FSHR: variants seen among roughly 807,000 people sequenced by gnomAD.
FSHR encodes the protein follicle-stimulating hormone receptor.
Under a neutral mutation model 52.1 loss-of-function variants are expected in FSHR, and 46 were observed. The ratio of observed to expected loss-of-function variants is 0.88; its 90% CI spans 0.70 to 1.13. FSHR has a LOEUF of 1.13. Among genes scored for constraint, FSHR ranks in the 50% most tolerant of loss-of-function variants. FSHR has a pLI of 0.00. For missense variants in FSHR, 964 were observed against 834.6 expected, an observed-to-expected ratio of 1.16 and a Z score of -1.91; for synonymous variants, 399 against 309.6, an observed-to-expected ratio of 1.29 and a Z score of -3.03.
intron 1 of FSHR, among the ~76,000 whole-genome samples, chr2:49,071,467 G>C (rs1669726427): frequency 6.6e-6 from 1 of 152,044 alleles, no homozygotes; most frequent in South Asian, 2.1e-4. Flanking sequence ...AATTACTTCT[G>C]AACAAATTTA....
intron 1 of FSHR, among the ~76,000 whole-genome samples, chr2:49,086,307 G>C (rs1221811803): frequency 1.3e-5 from 2 of 152,090 alleles, no homozygotes; most frequent in Non-Finnish European, 2.9e-5. Context: ...GCAGATTTAT[G>C]GCTTCTCTTC....
At chr2:49,083,578 G>C (rs1670257813) in intron 1 of FSHR, among the ~76,000 whole-genome samples, 1 of 147,918 alleles carries the variant, frequency 6.8e-6, no homozygotes, top group Non-Finnish European at 1.5e-5. Flanking sequence ...AGACCCATCA[G>C]TGTGCTGTAT....
chr2:49,137,250 T>C (rs952820328), intron 1 of FSHR, among the ~76,000 whole-genome samples: 1 of 152,032 alleles, frequency 6.6e-6, no homozygotes, highest in African/African-American at 2.4e-5. Flanking sequence ...ATTTCATTCA[T>C]GATAGTATTA....
At chr2:49,029,586 T>A (rs965783864) in intron 2 of FSHR, among the ~76,000 whole-genome samples, 4 of 152,234 alleles carry the variant, frequency 2.6e-5, no homozygotes, top group Non-Finnish European at 5.9e-5. Flanking sequence ...TGTCCCTCAG[T>A]ACATTTTATA....
chr2:48,977,293 C>A (rs1387016417), intron 8 of FSHR, among the ~76,000 whole-genome samples: 5 of 152,034 alleles, frequency 3.3e-5, no homozygotes, highest in African/African-American at 1.2e-4. Flanking sequence ...GTAAAGGGAA[C>A]CATGGGACGG....
At chr2:49,047,423 C>T (rs78884910) in intron 2 of FSHR, among the ~76,000 whole-genome samples, 2,300 of 152,344 alleles carry the variant, frequency 0.015, 47 homozygotes, top group African/African-American at 0.047. Flanking sequence ...CATCAAAAGA[C>T]GGGATCTCTA....
intron 1 of FSHR, among the ~76,000 whole-genome samples, chr2:49,094,976 T>C (rs572096683): frequency 7.4e-4 from 113 of 152,156 alleles, no homozygotes; most frequent in African/African-American, 2.5e-3. Context: ...TTATCCCTTA[T>C]AGAACAAAAA....
intron 4 of FSHR, among the ~76,000 whole-genome samples, chr2:48,994,615 G>T (rs1269524635): frequency 1.2e-5 from 1 of 83,822 alleles, no homozygotes; most frequent in Admixed American, 1.6e-4. Flanking sequence ...TTTCCCCTCT[G>T]ATCAATAAAT....
chr2:49,036,497 GTATATCTATATCTATATC>G (rs67442791), intron 2 of FSHR, among the ~76,000 whole-genome samples: 1 of 150,742 alleles, frequency 6.6e-6, no homozygotes, highest in Non-Finnish European at 1.5e-5. Flanking sequence ...ATTTGCATCT[GTATATCTATATCTATATC>G]TATATCTATA....
At chr2:49,130,890 TG>T (rs1445327341) in intron 1 of FSHR, among the ~76,000 whole-genome samples, 1 of 152,186 alleles carries the variant, frequency 6.6e-6, no homozygotes, top group Non-Finnish European at 1.5e-5. Flanking sequence ...AGAAGGGGGC[TG>T]TTATAGAGTT....
At chr2:49,085,972 G>C (rs557136196) in intron 1 of FSHR, among the ~76,000 whole-genome samples, 11 of 150,216 alleles carry the variant, frequency 7.3e-5, no homozygotes, top group African/African-American at 2.0e-4. Context: ...TGTGGGGGGG[G>C]GGAGTGGGGA....
chr2:49,017,832 A>T (rs1342750774), intron 3 of FSHR, among the ~76,000 whole-genome samples: 1 of 152,152 alleles, frequency 6.6e-6, no homozygotes, highest in Non-Finnish European at 1.5e-5. Context: ...GGAGGCAAAC[A>T]GAGCATTGGC....
At chr2:49,081,719 G>T (rs1670178171) in intron 1 of FSHR, among the ~76,000 whole-genome samples, 1 of 152,134 alleles carries the variant, frequency 6.6e-6, no homozygotes, top group Non-Finnish European at 1.5e-5. Flanking sequence ...GATAAATGGG[G>T]TGGGTGGAAT....
At chr2:49,012,284 C>T (rs1212006054) in intron 4 of FSHR, among the ~76,000 whole-genome samples, 1 of 152,100 alleles carries the variant, frequency 6.6e-6, no homozygotes, top group African/African-American at 2.4e-5. Context: ...AAAAGGTCAG[C>T]TCCAGGAAGG....
intron 4 of FSHR, among the ~76,000 whole-genome samples, chr2:48,992,835 C>A (rs1675847602): frequency 6.6e-6 from 1 of 152,140 alleles, no homozygotes. Flanking sequence ...TTTCTCATAT[C>A]CCATCGATCT....
At chr2:49,076,129 C>A (rs939123414) in intron 1 of FSHR, among the ~76,000 whole-genome samples, 1 of 152,134 alleles carries the variant, frequency 6.6e-6, no homozygotes, top group African/African-American at 2.4e-5. Context: ...AAATTCCACC[C>A]CTTCAAAGGA....
intron 1 of FSHR, among the ~76,000 whole-genome samples, chr2:49,118,854 T>G (rs540591514): frequency 6.6e-6 from 1 of 152,244 alleles, no homozygotes; most frequent in Non-Finnish European, 1.5e-5. Context: ...CCCTTGGTTT[T>G]AAAGAAACCC....
At chr2:48,971,733 A>G (rs896589344) in intron 8 of FSHR, among the ~76,000 whole-genome samples, 6 of 152,164 alleles carry the variant, frequency 3.9e-5, no homozygotes, top group African/African-American at 1.4e-4. Context: ...GTATAGTTCT[A>G]GTTTTGTCAA....
At chr2:48,999,093 G>A (rs1273150069) in intron 4 of FSHR, among the ~76,000 whole-genome samples, 2 of 152,008 alleles carry the variant, frequency 1.3e-5, no homozygotes, top group East Asian at 1.9e-4. Context: ...CTTTGCTTGG[G>A]AAAAGAAGCC....
Sources: gnomAD v4.1 joint callset for allele counts (sites outside exome capture counted in the v4.1 genomes callset) on GRCh38, gnomAD v4.1.1 for gene constraint, MANE v1.5 for transcripts, NCBI Gene and HGNC (gene_info 2026-07-23, HGNC 2026-07-21) for gene names.